CGNL1: variants seen among roughly 807,000 people sequenced by gnomAD.
CGNL1 encodes the protein cingulin like 1.
A neutral mutation model predicts 141.2 loss-of-function variants in CGNL1; 132 were observed. The ratio of observed to expected loss-of-function variants is 0.93; its 90% CI spans 0.81 to 1.08. The LOEUF (loss-of-function observed/expected upper bound fraction) is 1.08. Among genes scored for constraint, CGNL1 ranks in the 50% least tolerant of loss-of-function variants. The pLI is 0.00. For missense variants in CGNL1, 1,870 were observed against 1,588.6 expected (o/e 1.18, Z -3.01); for synonymous variants, 690 against 622.1 (o/e 1.11, Z -1.63).
chr15:57,477,856 T>G (rs538061677), intron 8 of CGNL1, among the ~76,000 whole-genome samples: 1 of 152,310 alleles, frequency 6.6e-6, no homozygotes, highest in East Asian at 1.9e-4. Flanking sequence ...CTGTGCTGTG[T>G]ACCATGCCCC....
At chr15:57,425,971 G>A (rs777728212) in intron 1 of CGNL1, among the ~76,000 whole-genome samples, 46 of 152,046 alleles carry the variant, frequency 3.0e-4, no homozygotes, top group South Asian at 6.2e-4. Flanking sequence ...TAATGGAGTA[G>A]ATGGCCTTTA....
intron 1 of CGNL1, among the ~76,000 whole-genome samples, chr15:57,395,827 G>C (rs759425208): frequency 5.9e-5 from 9 of 152,158 alleles, no homozygotes; most frequent in Non-Finnish European, 1.2e-4. Context: ...CATGCAGCTG[G>C]TAAGTGGTTA....
At chr15:57,514,272 A>T (rs2030588207) in intron 8 of CGNL1, among the ~76,000 whole-genome samples, 3 of 152,058 alleles carry the variant, frequency 2.0e-5, no homozygotes, top group Non-Finnish European at 2.9e-5. Flanking sequence ...TCGCCTCAGC[A>T]TCCCAATTAG....
At chr15:57,382,492 G>A (rs1437201653) in intron 1 of CGNL1, among the ~76,000 whole-genome samples, 1 of 152,210 alleles carries the variant, frequency 6.6e-6, no homozygotes, top group Non-Finnish European at 1.5e-5. Flanking sequence ...CTTTGCTTTG[G>A]TAGAGTACGT....
chr15:57,462,487 C>T (rs569559844), intron 8 of CGNL1, among the ~76,000 whole-genome samples: 71 of 152,270 alleles, frequency 4.7e-4, no homozygotes, highest in African/African-American at 1.7e-3. Flanking sequence ...GGGCAGACGT[C>T]ATACTGGCTG....
intron 1 of CGNL1, among the ~76,000 whole-genome samples, chr15:57,435,004 C>G (rs1202492180): frequency 6.6e-6 from 1 of 151,900 alleles, no homozygotes; most frequent in Non-Finnish European, 1.5e-5. Flanking sequence ...GGAGGGAAGA[C>G]TGTAAAAAAG....
At chr15:57,449,450 T>C (rs935514877) in intron 4 of CGNL1, among the ~76,000 whole-genome samples, 1 of 152,206 alleles carries the variant, frequency 6.6e-6, no homozygotes, top group Non-Finnish European at 1.5e-5. Context: ...GAGTGGAAAG[T>C]GCAGACAGTT....
At chr15:57,433,561 C>T (rs2063070250) in intron 1 of CGNL1, among the ~76,000 whole-genome samples, 1 of 152,194 alleles carries the variant, frequency 6.6e-6, no homozygotes, top group Non-Finnish European at 1.5e-5. Flanking sequence ...CAGAGAGGCT[C>T]AGAAGTGGGA....
At chr15:57,457,838 G>T (rs1297723758) in intron 7 of CGNL1, among the ~76,000 whole-genome samples, 2 of 152,150 alleles carry the variant, frequency 1.3e-5, no homozygotes, top group Non-Finnish European at 2.9e-5. Flanking sequence ...TTCAAGATGA[G>T]ATTTGGGTGG....
intron 15 of CGNL1, 130 bp from the exon 16 acceptor site, chr15:57,544,343 A>G: frequency 9.0e-7 from 1 of 1,114,870 alleles, no homozygotes; most frequent in Non-Finnish European, 1.3e-6. Flanking sequence ...TCCAGGCCAC[A>G]GGCCCTGGTG....
At chr15:57,421,167 A>G (rs1466279826) in intron 1 of CGNL1, among the ~76,000 whole-genome samples, 1 of 152,232 alleles carries the variant, frequency 6.6e-6, no homozygotes, top group Admixed American at 6.5e-5. Context: ...GCAAGAAGAC[A>G]GCTACCTGCA....
chr15:57,439,897 T>C (rs1233898791), intron 2 of CGNL1, among the ~76,000 whole-genome samples: 1 of 152,220 alleles, frequency 6.6e-6, no homozygotes. Context: ...GCATGAAATC[T>C]GAAAGTATGC....
chr15:57,459,364 A>T (rs1194333385), intron 7 of CGNL1, among the ~76,000 whole-genome samples: 2 of 152,264 alleles, frequency 1.3e-5, no homozygotes, highest in African/African-American at 4.8e-5. Context: ...TCAAATGCAG[A>T]TGAGAAAAAT....
chr15:57,534,583 T>C (rs1478901750), intron 14 of CGNL1, among the ~76,000 whole-genome samples: 1 of 152,192 alleles, frequency 6.6e-6, no homozygotes, highest in African/African-American at 2.4e-5. Context: ...TCTGAGCTCT[T>C]CTGGTCCACT....
At chr15:57,488,526 T>C (rs1197562205) in intron 8 of CGNL1, among the ~76,000 whole-genome samples, 1 of 152,204 alleles carries the variant, frequency 6.6e-6, no homozygotes, top group Non-Finnish European at 1.5e-5. Flanking sequence ...AGAACTGGTG[T>C]AGGGACTGCT....
intron 8 of CGNL1, among the ~76,000 whole-genome samples, chr15:57,490,334 G>A (rs2063841490): frequency 6.6e-6 from 1 of 152,012 alleles, no homozygotes; most frequent in South Asian, 2.1e-4. Context: ...GGCAGGCTTT[G>A]ATGTTTAGAA....
rs1043457311 is a variant in CGNL1 at position 57,438,209 on chromosome 15, T to C, written c.210T>C (p.Ser70=). 1.9e-6 allele frequency: 3 copies of C among 1,614,204 alleles called. No homozygotes were observed. The part of the protein sequence containing the change: ...TERCLAGTSF[S]ENGPPFPPPV... The stretch of plus-strand genomic sequence containing the variant: ...GGTGCCTAGCAGGCACATCGTTTTC[T>C]GAAAATGGGCCACCCTTTCCACCTC... Residue 70 remains serine (S), a synonymous_variant, in exon 2 of 19, where the codon TCT becomes TCC. Coordinates refer to ENST00000281282, the MANE Select transcript of CGNL1 (RefSeq NM_032866.5).
At chr15:57,514,151 GTTTATTTA>G (rs139299457) in intron 8 of CGNL1, among the ~76,000 whole-genome samples, 2 of 151,494 alleles carry the variant, frequency 1.3e-5, no homozygotes, top group Non-Finnish European at 2.9e-5. Flanking sequence ...TTTCCCCATT[GTTTATTTA>G]TTTATTTTTT....
At chr15:57,421,960 AGT>A (rs2062919972) in intron 1 of CGNL1, among the ~76,000 whole-genome samples, 1 of 151,948 alleles carries the variant, frequency 6.6e-6, no homozygotes, top group Non-Finnish European at 1.5e-5. Context: ...TTCGTTATTC[AGT>A]GTTCTTGGCT....
Sources: gnomAD v4.1 joint callset for allele counts (sites outside exome capture counted in the v4.1 genomes callset) on GRCh38, gnomAD v4.1.1 for gene constraint, MANE v1.5 for transcripts, NCBI Gene and HGNC (gene_info 2026-07-23, HGNC 2026-07-21) for gene names.